Variants in PRELID2 observed in about 807,000 individuals in gnomAD.
PRELID2 encodes PRELI domain-containing protein 2.
Under a neutral mutation model 28.4 loss-of-function variants are expected in PRELID2, and 25 were observed. The observed-to-expected ratio is 0.88, with a 90% confidence interval of 0.64 to 1.23. PRELID2 has a LOEUF of 1.23. PRELID2 is among the 50% of genes most tolerant of loss of function. PRELID2 has a pLI of 0.00. For missense variants in PRELID2, 201 were observed against 214.4 expected, an observed-to-expected ratio of 0.94 and a Z score of 0.39; for synonymous variants, 76 against 71.6, an observed-to-expected ratio of 1.06 and a Z score of -0.31.
chr5:145,328,782 A>G, the PRELID2 span, among the ~76,000 whole-genome samples: 14 of 152,096 alleles, frequency 9.2e-5, 1 homozygote, highest in African/African-American at 3.4e-4. Context: ...TAGTTTAATT[A>G]GATCCCATTT....
At chr5:145,704,018 T>A (rs1047154376) in intron 1 of PRELID2, 3 of 152,190 alleles carry the variant, frequency 2.0e-5, no homozygotes, top group Non-Finnish European at 4.4e-5. Context: ...GTTTTGTGGT[T>A]AAAGTTCTCC....
rs1480565081 is a variant in PRELID2, at chr5:145,788,235, CT to C, written c.474+8206del. Among the ~76,000 whole-genome samples, 5 of 152,308 alleles carry C rather than the reference CT, an allele frequency of 3.3e-5. No homozygotes were observed. In the East Asian group the frequency reaches 7.7e-4, roughly 24 times the overall value. ...CCACTATTTTCCTTCAGATCTTTATCTTTTTGATCTGCTTTCTGAATGTACT... is the reference window on the plus strand; with the variant it reads ...CCACTATTTTCCTTCAGATCTTTATCTTTTGATCTGCTTTCTGAATGTACT... On this transcript the variant is annotated intron_variant, in intron 5 of 6. Coordinates refer to ENST00000683046, the MANE Select transcript of PRELID2 (RefSeq NM_205846.3).
chr5:145,433,096 T>C, the PRELID2 span, among the ~76,000 whole-genome samples: 1 of 152,254 alleles, frequency 6.6e-6, no homozygotes, highest in East Asian at 1.9e-4. Context: ...TGGCATTTTG[T>C]CTCCCCAACA....
At chr5:145,679,508 A>G (rs901794499) in intron 1 of PRELID2, among the ~76,000 whole-genome samples, 1 of 152,146 alleles carries the variant, frequency 6.6e-6, no homozygotes, top group Non-Finnish European at 1.5e-5. Flanking sequence ...TTGACTTATC[A>G]TAATCATTAA....
the PRELID2 span, among the ~76,000 whole-genome samples, chr5:145,458,354 T>TA: frequency 3.1e-4 from 47 of 152,342 alleles, no homozygotes; most frequent in African/African-American, 1.1e-3. Flanking sequence ...TGCTGTTTAA[T>TA]AAAACGGGAA....
the PRELID2 span, among the ~76,000 whole-genome samples, chr5:145,364,619 A>C: frequency 6.6e-6 from 1 of 152,048 alleles, no homozygotes; most frequent in African/African-American, 2.4e-5. Context: ...GGATTAAATG[A>C]CCAGGCTACT....
chr5:145,283,751 G>C, the PRELID2 span, among the ~76,000 whole-genome samples: 1 of 152,048 alleles, frequency 6.6e-6, no homozygotes, highest in Non-Finnish European at 1.5e-5. Flanking sequence ...TGAGTATATG[G>C]GGCAATATAT....
intron 1 of PRELID2, among the ~76,000 whole-genome samples, chr5:145,686,602 G>A (rs1755042591): frequency 6.6e-6 from 1 of 152,152 alleles, no homozygotes; most frequent in South Asian, 2.1e-4. Context: ...CTATTTGTGT[G>A]CGTGTTTTTT....
At chr5:145,610,588 T>C (rs961698868) in intron 1 of PRELID2, among the ~76,000 whole-genome samples, 1 of 152,224 alleles carries the variant, frequency 6.6e-6, no homozygotes, top group African/African-American at 2.4e-5. Context: ...TTGAGTGCCA[T>C]TGATATTTTG....
At chr5:145,666,305 C>A (rs761741140) in intron 1 of PRELID2, among the ~76,000 whole-genome samples, 2 of 151,984 alleles carry the variant, frequency 1.3e-5, no homozygotes, top group Non-Finnish European at 2.9e-5. Context: ...TCACTGTGAC[C>A]AAGAAAAGTG....
Position 145,817,953 on chromosome 5 carries a change from T to A in PRELID2, c.309A>T (p.Thr103=). The A allele has an allele frequency of 6.2e-7, 1 of 1,600,546 alleles. No homozygotes were observed. Among genetic ancestry groups the A allele is most frequent in the Non-Finnish European group, 8.5e-7 (1 of 1,175,212 alleles). ...MAIRSHCLTW[T]QYASMKEESV... is the part of the protein sequence containing the mutation. ...ACTCTTCCTTCATGGATGCATACTGTGTCCACGTAAGGCAGTGACTCCGTA... is the reference window on the plus strand; with the variant it reads ...ACTCTTCCTTCATGGATGCATACTGAGTCCACGTAAGGCAGTGACTCCGTA... The change falls in exon 4 of 7, where the codon ACA becomes ACT. Residue 103 remains threonine (T), a synonymous_variant. Coordinates refer to ENST00000683046, the MANE Select transcript of PRELID2 (RefSeq NM_205846.3).
At chr5:145,345,617 T>G in the PRELID2 span, among the ~76,000 whole-genome samples, 1 of 152,100 alleles carries the variant, frequency 6.6e-6, no homozygotes, top group Non-Finnish European at 1.5e-5. Context: ...ACTTCCAAGC[T>G]AATAATAACC....
intron 1 of PRELID2, among the ~76,000 whole-genome samples, chr5:145,540,470 A>G (rs533401872): frequency 1.3e-5 from 2 of 152,008 alleles, no homozygotes; most frequent in African/African-American, 4.8e-5. Context: ...TGTCCATCCA[A>G]TGTAACAGCA....
chr5:145,599,218 A>C (rs1753353564), intron 1 of PRELID2, among the ~76,000 whole-genome samples: 1 of 152,224 alleles, frequency 6.6e-6, no homozygotes, highest in East Asian at 1.9e-4. Flanking sequence ...TTCTATTACC[A>C]CACAGCCATT....
intron 1 of PRELID2, among the ~76,000 whole-genome samples, chr5:145,503,884 G>A (rs1050014464): frequency 7.2e-5 from 11 of 152,124 alleles, no homozygotes; most frequent in Admixed American, 4.6e-4. Context: ...TCTCTGGAAA[G>A]CTATTTGATG....
At chr5:145,255,205 C>T in the PRELID2 span, among the ~76,000 whole-genome samples, 1 of 151,856 alleles carries the variant, frequency 6.6e-6, no homozygotes, top group Admixed American at 6.6e-5. Context: ...ATATGGCCTA[C>T]TGTTAAGGGA....
chr5:145,780,261 C>A (rs1057480970), intron 5 of PRELID2, among the ~76,000 whole-genome samples: 1 of 152,222 alleles, frequency 6.6e-6, no homozygotes, highest in East Asian at 1.9e-4. Context: ...TGCAGTGAGC[C>A]AAGATCCAGC....
At chr5:145,812,860 C>T (rs751754982) in intron 4 of PRELID2, among the ~76,000 whole-genome samples, 7 of 152,150 alleles carry the variant, frequency 4.6e-5, no homozygotes, top group Non-Finnish European at 8.8e-5. Flanking sequence ...AAGACAATGT[C>T]GGATAAAATC....
In PRELID2 at chr5:145,715,605, C is replaced by T. The variant is rs550749618; in HGVS notation, n.70+49326G>A. Among the ~76,000 whole-genome samples, 18 of 152,258 alleles carry T rather than the reference C, an allele frequency of 1.2e-4. No homozygotes were observed. The South Asian group carries it at 3.7e-3, about 32-fold the overall frequency. On this transcript the variant is annotated intron_variant and non_coding_transcript_variant, in intron 1 of 2. Coordinates refer to the PRELID2 transcript ENST00000510259. ...TTACAACCACCCACATGATTGGATG[C>T]CTGTCTTCTTCTCTGACCTCATTCT...
Sources: allele counts gnomAD v4.1 joint callset (sites outside exome capture counted in the v4.1 genomes callset), GRCh38; gene constraint gnomAD v4.1.1; transcripts MANE v1.5; gene names NCBI Gene and HGNC (gene_info 2026-07-23, HGNC 2026-07-21).